Variants in CEP70 observed in about 807,000 individuals in gnomAD.
CEP70 encodes the protein centrosomal protein 70, also known as centrosomal protein of 70 kDa.
CEP70 carries 70 observed loss-of-function variants against 90.9 expected under a neutral mutation model. The observed-to-expected ratio is 0.77, with a 90% confidence interval of 0.64 to 0.94. CEP70 has a LOEUF of 0.94. CEP70 is among the 40% of genes least tolerant of loss of function. The pLI is 0.00. For missense variants in CEP70, 648 were observed against 669.0 expected (o/e 0.97, Z 0.35); for synonymous variants, 220 against 228.3 (o/e 0.96, Z 0.33).
chr3:138,527,824 T>C (rs1016131338), intron 10 of CEP70, among the ~76,000 whole-genome samples: 3 of 151,860 alleles, frequency 2.0e-5, no homozygotes, highest in Non-Finnish European at 4.4e-5. Context: ...AAAGTGCTGG[T>C]ATTATAGGTA....
At chr3:138,533,662 G>T (rs2038016521) in intron 7 of CEP70, among the ~76,000 whole-genome samples, 1 of 152,208 alleles carries the variant, frequency 6.6e-6, no homozygotes, top group South Asian at 2.1e-4. Context: ...CAGTAGGAAG[G>T]ACACACACCA....
chr3:138,510,571 T>C (rs1396524309), intron 11 of CEP70, among the ~76,000 whole-genome samples: 2 of 152,192 alleles, frequency 1.3e-5, no homozygotes, highest in Admixed American at 1.3e-4. Flanking sequence ...TGATGGAGTT[T>C]TACTATTCTA....
At chr3:138,560,960 G>A (rs143657599) in intron 6 of CEP70, among the ~76,000 whole-genome samples, 2 of 152,134 alleles carry the variant, frequency 1.3e-5, no homozygotes, top group Non-Finnish European at 2.9e-5. Context: ...AGACTTAAAC[G>A]TCCTGGCCTG....
Position 138,500,876 on chromosome 3 carries a change from C to T in CEP70, c.1227G>A (p.Leu409=), listed in dbSNP as rs1260737807. The T allele has an allele frequency of 6.6e-7, 1 of 1,519,694 alleles. No homozygotes were observed. Among genetic ancestry groups the T allele is most frequent in the Non-Finnish European group, 8.9e-7 (1 of 1,129,158 alleles). The allele number at this position is 1,519,694 out of a possible 1,614,324, so 94.1% of individuals were successfully genotyped here. Residue 409 remains leucine, a synonymous_variant, in exon 14 of 18, where the codon TTG becomes TTA. Transcript: ENST00000264982. ...CAGATAGTGTTTTCAAGGACTTATA[C>T]AAATCCTTTATAACAAAAGAAACTA... The part of the protein sequence containing the change: ...WADQLTSLKD[L]YKSLKTLSAE...
At chr3:138,495,757 CAGG>C (rs1682038396) in intron 17 of CEP70, 1 of 398,554 alleles carries the variant, frequency 2.5e-6, no homozygotes, top group Admixed American at 6.4e-5. Context: ...GAAGTTGAGG[CAGG>C]AGAATTGCTT....
At chr3:138,519,671 TCCTGAA>T (rs2036415289) in intron 11 of CEP70, among the ~76,000 whole-genome samples, 2 of 151,924 alleles carry the variant, frequency 1.3e-5, no homozygotes, top group Non-Finnish European at 2.9e-5. Flanking sequence ...CTACAAGAGC[TCCTGAA>T]GGAAGCAATA....
chr3:138,528,885 G>A (rs971228631), intron 10 of CEP70, among the ~76,000 whole-genome samples: 8 of 152,082 alleles, frequency 5.3e-5, no homozygotes, highest in Non-Finnish European at 1.2e-4. Context: ...CCAGCTACTC[G>A]GGAGGCTGAG....
chr3:138,582,641 G>A lies in CEP70; in HGVS notation c.-6+9213C>T, dbSNP rs1259974215. ...AAAAATTCTCTGGTGGCGTGTGCCT[G>A]TAGTCCCAGCTACTCGGGAGGCTGA... On this transcript the variant is annotated intron_variant, in intron 2 of 17. Transcript: ENST00000264982. Among the ~76,000 whole-genome samples, 3 of 132,586 alleles carry A rather than the reference G, an allele frequency of 2.3e-5. No individual in the cohort carries two copies. The East Asian group carries it at 7.0e-4, about 31-fold the overall frequency. The allele number at this position is 132,586 out of a possible 152,430, so 87.0% of individuals were successfully genotyped here.
intron 6 of CEP70, among the ~76,000 whole-genome samples, chr3:138,554,838 G>T (rs941999495): frequency 6.6e-6 from 1 of 152,168 alleles, no homozygotes; most frequent in Admixed American, 6.5e-5. Flanking sequence ...AGATTGTGAT[G>T]ATTTTTTCCC....
intron 11 of CEP70, among the ~76,000 whole-genome samples, chr3:138,524,861 C>A (rs1360840668): frequency 1.3e-5 from 2 of 152,188 alleles, no homozygotes. Context: ...TGTGGTGATT[C>A]CTCAAGGTTC....
Position 138,494,615 on chromosome 3 carries a change from G to C in CEP70, c.*400C>G, listed in dbSNP as rs2033854869. On this transcript the variant is annotated 3_prime_UTR_variant, in exon 18 of 18. Transcript: ENST00000264982. ...GCCAGGAGAGCAGTAGCTTCCTACT[G>C]GCTAAATTTAGAGAGCCCTTGGCAT... 1 of 156,338 alleles carries C rather than the reference G, an allele frequency of 6.4e-6. No individual in the cohort carries two copies. The highest frequency in any genetic ancestry group is 6.5e-5 in the Admixed American group (1 of 15,406). 9.7% of individuals were successfully genotyped at this position (156,338 alleles called of 1,614,324 possible).
chr3:138,521,761 G>C lies in CEP70; in HGVS notation c.944+3729C>G, dbSNP rs1397870918. The stretch of plus-strand genomic sequence containing the variant: ...TGGGAAGTGAGGAGCCCTTCTGCCC[G>C]GCCGCCACCCTGTCTGGGAGGTGTA... On this transcript the variant is annotated intron_variant, in intron 11 of 17. Transcript: ENST00000264982. Among the ~76,000 whole-genome samples the C allele has an allele frequency of 3.3e-5, 5 of 152,264 alleles. No homozygotes were observed. In the South Asian group the frequency reaches 6.2e-4, roughly 19 times the overall value.
At chr3:138,520,063 AC>A (rs1390135367) in intron 11 of CEP70, among the ~76,000 whole-genome samples, 2 of 152,238 alleles carry the variant, frequency 1.3e-5, no homozygotes, top group African/African-American at 4.8e-5. Flanking sequence ...CTTTAAACCA[AC>A]AAAGATCAAA....
chr3:138,534,960 C>A (rs932862773), intron 7 of CEP70, among the ~76,000 whole-genome samples: 1 of 152,148 alleles, frequency 6.6e-6, no homozygotes, highest in South Asian at 2.1e-4. Flanking sequence ...CCTTCATTAG[C>A]CCTCTACTAC....
At chr3:138,540,699 A>T (rs1027392814) in intron 6 of CEP70, among the ~76,000 whole-genome samples, 3 of 152,224 alleles carry the variant, frequency 2.0e-5, no homozygotes, top group Non-Finnish European at 4.4e-5. Context: ...TTCCTCAAAG[A>T]GCTAAAAGCA....
chr3:138,550,385 C>T (rs549489028), intron 6 of CEP70, among the ~76,000 whole-genome samples: 34 of 152,248 alleles, frequency 2.2e-4, no homozygotes, highest in African/African-American at 5.5e-4. Flanking sequence ...GTTTTTGAGA[C>T]GGAGTTTCGC....
chr3:138,500,017 C>T, intron 16 of CEP70, 93 bp downstream of exon 16: 1 of 835,646 alleles, frequency 1.2e-6, no homozygotes, highest in South Asian at 1.4e-5. Context: ...AGTGATCCTC[C>T]CACATCAGCC....
chr3:138,503,503 T>C (rs1370742671), intron 13 of CEP70, among the ~76,000 whole-genome samples: 2 of 152,316 alleles, frequency 1.3e-5, no homozygotes, highest in South Asian at 2.1e-4. Flanking sequence ...AACTTAGAGG[T>C]TGCTACATAT....
intron 6 of CEP70, among the ~76,000 whole-genome samples, chr3:138,547,146 A>G (rs1673616): frequency 0.99 from 151,052 of 152,318 alleles, 74,920 homozygotes; most frequent in East Asian, 1. Flanking sequence ...GCCAGGGAGG[A>G]CCTCTGCAGC....
Sources: allele counts gnomAD v4.1 joint callset (sites outside exome capture counted in the v4.1 genomes callset), GRCh38; gene constraint gnomAD v4.1.1; transcripts MANE v1.5; gene names NCBI Gene and HGNC (gene_info 2026-07-23, HGNC 2026-07-21).